The following PRKN variants were observed in gnomAD, a reference collection of about 807,000 sequenced individuals.
PRKN encodes the protein E3 ubiquitin-protein ligase parkin.
PRKN carries 56 observed loss-of-function variants against 59.5 expected under a neutral mutation model. That is an observed-to-expected ratio of 0.94 (90% CI 0.76 to 1.18). The LOEUF (loss-of-function observed/expected upper bound fraction) is 1.18. PRKN is among the 50% of genes most tolerant of loss of function. The probability of loss-of-function intolerance (pLI) is 0.00; values close to 1 mark genes in which losing one functional copy is unlikely to be tolerated. For synonymous variants in PRKN, 250 were observed against 222.1 expected (o/e 1.13, Z -1.12); for missense variants, 657 against 596.4 (o/e 1.10, Z -1.06).
chr6:162,313,366 A>C, intron 2 of PRKN, among the ~76,000 whole-genome samples: 1 of 152,154 alleles, frequency 6.6e-6, no homozygotes, highest in Non-Finnish European at 1.5e-5. Flanking sequence ...TTCTTTTTGT[A>C]ACTGGCTTAT....
Position 162,279,051 on chromosome 6 carries a change from C to T in PRKN, c.172-16286G>A, listed in dbSNP as rs145507821. Reference sequence around the variant, plus strand: ...AACCACTGAAAATCAGAAATGTTGGCGAGGTGAGGTGGCTCACGGCTGTAA... The same window carrying T: ...AACCACTGAAAATCAGAAATGTTGGTGAGGTGAGGTGGCTCACGGCTGTAA... On this transcript the variant is annotated intron_variant, in intron 2 of 11. Transcript: ENST00000366898. 1.7e-3 allele frequency among the ~76,000 whole-genome samples: 264 copies of T among 152,104 alleles called. 5 individuals are homozygous for T. The highest frequency in any genetic ancestry group is 5.9e-3 in the African/African-American group (243 of 41,488).
chr6:161,711,026 AG>A (rs1351176452), intron 7 of PRKN, among the ~76,000 whole-genome samples: 3 of 151,792 alleles, frequency 2.0e-5, no homozygotes, highest in Non-Finnish European at 4.4e-5. Context: ...ACATGGAGAA[AG>A]GATATTTCTT....
intron 6 of PRKN, among the ~76,000 whole-genome samples, chr6:161,875,365 T>C (rs1017859827): frequency 6.6e-6 from 1 of 151,290 alleles, no homozygotes; most frequent in Non-Finnish European, 1.5e-5. Context: ...GGCTAATTTT[T>C]GTATTTTTTG....
At chr6:162,139,565 C>T (rs1041085846) in intron 4 of PRKN, among the ~76,000 whole-genome samples, 1 of 152,110 alleles carries the variant, frequency 6.6e-6, no homozygotes, top group Admixed American at 6.6e-5. Context: ...ATAGCACTCT[C>T]CACAGCATCA....
intron 1 of PRKN, among the ~76,000 whole-genome samples, chr6:162,517,899 AT>A (rs1399423676): frequency 2.6e-5 from 4 of 152,228 alleles, no homozygotes; most frequent in African/African-American, 9.6e-5. Flanking sequence ...CATGAAAAAA[AT>A]GTACGGTAGT....
intron 1 of PRKN, among the ~76,000 whole-genome samples, chr6:162,582,971 G>C (rs1414387964): frequency 6.6e-6 from 1 of 152,200 alleles, no homozygotes; most frequent in Non-Finnish European, 1.5e-5. Flanking sequence ...GACAGTGATA[G>C]GAGGTAGGAC....
chr6:161,686,852 C>G (rs1562608062), intron 7 of PRKN, among the ~76,000 whole-genome samples: 1 of 152,222 alleles, frequency 6.6e-6, no homozygotes, highest in Non-Finnish European at 1.5e-5. Context: ...GCCTCCATGG[C>G]CCCACACTGC....
At chr6:161,972,191 T>C (rs1047107302) in intron 6 of PRKN, among the ~76,000 whole-genome samples, 37 of 151,694 alleles carry the variant, frequency 2.4e-4, no homozygotes, top group African/African-American at 8.5e-4. Context: ...GGAGAATCCC[T>C]TGAACCTGGG....
intron 7 of PRKN, among the ~76,000 whole-genome samples, chr6:161,759,258 GC>G: frequency 6.6e-6 from 1 of 152,240 alleles, no homozygotes; most frequent in East Asian, 1.9e-4. Flanking sequence ...AATCAGGATG[GC>G]AAGCATTTTA....
At chr6:161,954,170 G>A (rs1055225805) in intron 6 of PRKN, among the ~76,000 whole-genome samples, 2 of 152,296 alleles carry the variant, frequency 1.3e-5, no homozygotes, top group Non-Finnish European at 2.9e-5. Flanking sequence ...TCTCAGCCGT[G>A]TAGCTGAAAC....
chr6:161,924,628 G>A (rs553672628), intron 6 of PRKN, among the ~76,000 whole-genome samples: 7 of 152,280 alleles, frequency 4.6e-5, no homozygotes, highest in African/African-American at 1.7e-4. Flanking sequence ...GTCCAGATAG[G>A]TTAAGAGCAG....
chr6:162,021,372 C>G (rs556453746), intron 5 of PRKN, among the ~76,000 whole-genome samples: 1 of 145,646 alleles, frequency 6.9e-6, no homozygotes. Context: ...TCATCCAATC[C>G]CTTTATGCTT....
Position 161,958,900 on chromosome 6 carries a change from A to C in PRKN, c.734+14402T>G, listed in dbSNP as rs554187767. 2.6e-5 allele frequency among the ~76,000 whole-genome samples: 4 copies of C among 151,462 alleles called. No homozygotes were observed. The East Asian group carries it at 7.8e-4, about 29-fold the overall frequency. ...CATCTCAAAAAAAAAAAAATGAGAG[A>C]GAAAAAAGAAAAGAATGTGAGAGTG... On this transcript the variant is annotated intron_variant, in intron 6 of 11. Transcript: ENST00000366898.
chr6:161,471,082 T>C lies in PRKN; in HGVS notation c.1083+77772A>G, dbSNP rs968782332. ...AGTGTGATTTAGAATTTTTAAACAT[T>C]GAGATGAGGGCCATGTGAACCCACA... On this transcript the variant is annotated intron_variant, in intron 9 of 11. Coordinates refer to ENST00000366898, the MANE Select transcript of PRKN (RefSeq NM_004562.3). The surrounding 1 kb of genome is among the most constrained non-coding windows in gnomAD (Gnocchi z 4.5). Among the ~76,000 whole-genome samples, 1 of 152,142 alleles carries C rather than the reference T, an allele frequency of 6.6e-6. No individual in the cohort carries two copies. The highest frequency in any genetic ancestry group is 1.5e-5 in the Non-Finnish European group (1 of 68,024).
At chr6:161,505,717 G>A (rs371015117) in intron 9 of PRKN, among the ~76,000 whole-genome samples, 4 of 91,074 alleles carry the variant, frequency 4.4e-5, no homozygotes, top group Admixed American at 3.0e-4. Flanking sequence ...GTGTAAGGAA[G>A]GGATCCAGTT....
intron 7 of PRKN, among the ~76,000 whole-genome samples, chr6:161,681,361 A>G (rs1204794346): frequency 6.6e-6 from 1 of 152,086 alleles, no homozygotes; most frequent in African/African-American, 2.4e-5. Context: ...TCTTCTCATG[A>G]TCTCTAGAAA....
At chr6:161,874,149 A>ATATATATTATATAT (rs1178464845) in intron 6 of PRKN, among the ~76,000 whole-genome samples, 1 of 49,008 alleles carries the variant, frequency 2.0e-5, no homozygotes, top group African/African-American at 1.2e-4. Context: ...GTAAAATATA[A>ATATATATTATATAT]TATATATTAT....
At position 162,075,964 on chromosome 6, in the gene PRKN, C is replaced by CTTTT. The variant is rs201642343; in HGVS notation, c.535-21794_535-21791dup. 2.1e-3 allele frequency among the ~76,000 whole-genome samples: 276 copies of CTTTT among 132,908 alleles called. 5 individuals carry two copies. The highest frequency in any genetic ancestry group is 6.5e-3 in the African/African-American group (219 of 33,482). 87.2% of individuals were successfully genotyped at this position (132,908 alleles called of 152,430 possible). On this transcript the variant is annotated intron_variant, in intron 4 of 11. Transcript: ENST00000366898. ...GTAGACATGAAAAAAGAAAGGCTTG[C>CTTTT]TTTTTTTTTTTTTTTTTTTTTTAAG...
In PRKN at chr6:161,393,961, A is replaced by G. The variant is rs550177885; in HGVS notation, c.1084-7084T>C. On this transcript the variant is annotated intron_variant, in intron 9 of 11. Coordinates refer to ENST00000366898, the MANE Select transcript of PRKN (RefSeq NM_004562.3). This position sits in a 1 kb window ranked among gnomAD's most constrained non-coding sequence, Gnocchi z 4.7. ...CACATTTGTACTTCTTTGGGAATAG[A>G]TGAAATATTTTTCTTTTTGGTGTGT... 1.3e-5 allele frequency among the ~76,000 whole-genome samples: 2 copies of G among 152,282 alleles called. No homozygotes were observed. Among genetic ancestry groups the G allele is most frequent in the East Asian group, 3.9e-4 (2 of 5,158 alleles).
Sources: allele counts gnomAD v4.1 joint callset (sites outside exome capture counted in the v4.1 genomes callset), GRCh38; gene constraint gnomAD v4.1.1; non-coding constraint Gnocchi (gnomAD v3.1); transcripts MANE v1.5; gene names NCBI Gene and HGNC (gene_info 2026-07-23, HGNC 2026-07-21).